Variants in PAK5 observed in about 807,000 individuals in gnomAD.
PAK5 encodes the protein serine/threonine-protein kinase PAK 5.
A neutral mutation model predicts 65.9 loss-of-function variants in PAK5; 16 were observed. That is an observed-to-expected ratio of 0.24 (90% CI 0.16 to 0.37). PAK5 has a LOEUF of 0.37. Ranked by LOEUF, PAK5 falls within the 10% of genes least tolerant of loss-of-function variation. The probability of loss-of-function intolerance (pLI) is 1.00; values close to 1 mark genes in which losing one functional copy is unlikely to be tolerated. For synonymous variants in PAK5, 371 were observed against 354.9 expected (o/e 1.05, Z -0.51); for missense variants, 785 against 903.9 (o/e 0.87, Z 1.69).
intron 1 of PAK5, among the ~76,000 whole-genome samples, chr20:9,788,299 G>C (rs542046756): frequency 6.6e-6 from 1 of 152,042 alleles, no homozygotes; most frequent in South Asian, 2.1e-4. Flanking sequence ...GGTCACACTA[G>C]ATGCCTGGTC....
At chr20:9,778,547 G>A (rs2048909630) in intron 1 of PAK5, among the ~76,000 whole-genome samples, 1 of 152,126 alleles carries the variant, frequency 6.6e-6, no homozygotes, top group Non-Finnish European at 1.5e-5. Context: ...CAATACTTTG[G>A]GAGATTTTAG....
intron 3 of PAK5, among the ~76,000 whole-genome samples, chr20:9,633,534 C>G (rs2046948527): frequency 6.6e-6 from 1 of 152,166 alleles, no homozygotes; most frequent in Non-Finnish European, 1.5e-5. Flanking sequence ...ATTTTTTACT[C>G]TGTAAAACAC....
intron 1 of PAK5, among the ~76,000 whole-genome samples, chr20:9,750,112 G>A (rs1455476569): frequency 1.3e-5 from 2 of 152,028 alleles, no homozygotes; most frequent in Admixed American, 1.3e-4. Context: ...GTTATTGAGT[G>A]CATCACCCTT....
Position 9,593,490 on chromosome 20 carries a change from TTGCAGAACG to T in PAK5, c.205-12569_205-12561del, listed in dbSNP as rs1378986465. 2.0e-5 allele frequency among the ~76,000 whole-genome samples: 3 copies of T among 152,276 alleles called. 1 individual carries two copies. The highest frequency in any genetic ancestry group is 7.2e-5 in the African/African-American group (3 of 41,532). On this transcript the variant is annotated intron_variant, in intron 3 of 9. Transcript: ENST00000353224. ...TTTTACTTTAAGTTCTGGTATACAT[TTGCAGAACG>T]TGCAGGTTTGTTACATCTAGGTTTT...
chr20:9,615,890 G>T (rs219860), intron 3 of PAK5, among the ~76,000 whole-genome samples: 59,418 of 152,014 alleles, frequency 0.39, 12,976 homozygotes, highest in South Asian at 0.64. Flanking sequence ...CACCACATGA[G>T]GCCTCTCCAG....
intron 1 of PAK5, among the ~76,000 whole-genome samples, chr20:9,775,883 G>A (rs1447838912): frequency 6.6e-6 from 1 of 152,140 alleles, no homozygotes; most frequent in Non-Finnish European, 1.5e-5. Flanking sequence ...TAGAAATTAT[G>A]CACTAATGAA....
intron 2 of PAK5, among the ~76,000 whole-genome samples, chr20:9,709,239 C>T (rs1417938990): frequency 1.3e-5 from 2 of 152,130 alleles, no homozygotes; most frequent in Non-Finnish European, 2.9e-5. Flanking sequence ...TTGTTTTCAT[C>T]CTGACTCATT....
At chr20:9,634,900 G>C (rs769518637) in intron 3 of PAK5, among the ~76,000 whole-genome samples, 2 of 152,070 alleles carry the variant, frequency 1.3e-5, no homozygotes, top group Non-Finnish European at 1.5e-5. Flanking sequence ...GAGTGTCCAA[G>C]TCCATTGTCC....
At chr20:9,578,981 T>G (rs1341596082) in intron 4 of PAK5, among the ~76,000 whole-genome samples, 1 of 152,242 alleles carries the variant, frequency 6.6e-6, no homozygotes, top group Non-Finnish European at 1.5e-5. Flanking sequence ...GTGACAGCTT[T>G]TTTGTTTCTT....
At chr20:9,639,479 T>G (rs1420257461) in intron 3 of PAK5, among the ~76,000 whole-genome samples, 3 of 152,080 alleles carry the variant, frequency 2.0e-5, no homozygotes, top group Non-Finnish European at 2.9e-5. Context: ...ATGGGTGAGA[T>G]CCAACCTAGC....
rs1428049044 is a variant in PAK5, at chr20:9,827,457, G to A, written c.-162+11305C>T. ...GACATTTATTAAAGACCTGACATGT[G>A]TAGGCATAAAGCCAGGTGCTGGGGA... is the stretch of plus-strand genomic sequence containing the variant. On this transcript the variant is annotated intron_variant, in intron 1 of 9. Transcript: ENST00000353224. 2.0e-5 allele frequency among the ~76,000 whole-genome samples: 3 copies of A among 152,168 alleles called. No homozygotes were observed. The East Asian group carries it at 5.8e-4, about 29-fold the overall frequency.
chr20:9,538,817 A>C lies in PAK5; in HGVS notation c.*645T>G, dbSNP rs2045210827. On this transcript the variant is annotated 3_prime_UTR_variant, in exon 10 of 10. Coordinates refer to ENST00000353224, the MANE Select transcript of PAK5 (RefSeq NM_177990.4). ...AATAAGACACTTGTTAGGATAAGAA[A>C]GAGATTTTACTAAAGCTGACGGTGA... The C allele has an allele frequency of 8.6e-6, 2 of 233,288 alleles. No individual in the cohort carries two copies. Among genetic ancestry groups the C allele is most frequent in the African/African-American group, 2.2e-5 (1 of 45,332 alleles). The allele number at this position is 233,288 out of a possible 1,614,324, so 14.5% of individuals were successfully genotyped here. A position where few individuals can be genotyped will look rare whatever the true frequency, so the allele number is the denominator to read the frequency against.
At chr20:9,712,415 G>A (rs1278529851) in intron 1 of PAK5, among the ~76,000 whole-genome samples, 1 of 152,022 alleles carries the variant, frequency 6.6e-6, no homozygotes, top group Non-Finnish European at 1.5e-5. Context: ...GGAAATGAAA[G>A]CAAATATTAT....
chr20:9,819,947 T>C (rs2049400330), intron 1 of PAK5, among the ~76,000 whole-genome samples: 1 of 152,128 alleles, frequency 6.6e-6, no homozygotes, highest in Non-Finnish European at 1.5e-5. Flanking sequence ...AAAAATAAGA[T>C]AGCTTGCCCA....
intron 3 of PAK5, among the ~76,000 whole-genome samples, chr20:9,605,094 A>C (rs2046428887): frequency 6.6e-6 from 1 of 152,220 alleles, no homozygotes; most frequent in Non-Finnish European, 1.5e-5. Flanking sequence ...TGCCCCATTG[A>C]GCTGGTTAAT....
intron 3 of PAK5, among the ~76,000 whole-genome samples, chr20:9,640,892 G>A (rs1444861784): frequency 6.6e-6 from 1 of 152,184 alleles, no homozygotes; most frequent in Admixed American, 6.5e-5. Flanking sequence ...AAGCAGTGTG[G>A]CCCCGAAGAG....
At chr20:9,605,715 G>A (rs1026346846) in intron 3 of PAK5, among the ~76,000 whole-genome samples, 1 of 152,168 alleles carries the variant, frequency 6.6e-6, no homozygotes, top group Non-Finnish European at 1.5e-5. Context: ...GATCACTCGA[G>A]ACCAGGAGTT....
intron 3 of PAK5, among the ~76,000 whole-genome samples, chr20:9,617,426 T>A (rs1475152169): frequency 6.6e-6 from 1 of 152,204 alleles, no homozygotes; most frequent in Admixed American, 6.5e-5. Flanking sequence ...TACCAGTTGG[T>A]TAATGTAATG....
chr20:9,718,295 A>G (rs527768365), intron 1 of PAK5, among the ~76,000 whole-genome samples: 9 of 152,104 alleles, frequency 5.9e-5, no homozygotes, highest in African/African-American at 2.2e-4. Flanking sequence ...CCCTCCTCAC[A>G]CTCAAGGATG....
Sources: gnomAD v4.1 joint callset for allele counts (sites outside exome capture counted in the v4.1 genomes callset) on GRCh38, gnomAD v4.1.1 for gene constraint, MANE v1.5 for transcripts, NCBI Gene and HGNC (gene_info 2026-07-23, HGNC 2026-07-21) for gene names.